PPP2R5C: variants seen among roughly 807,000 people sequenced by gnomAD.
The protein encoded by PPP2R5C is protein phosphatase 2 regulatory subunit B'gamma, also known as serine/threonine-protein phosphatase 2A 56 kDa regulatory subunit gamma isoform.
In PPP2R5C, 7 loss-of-function variants were observed where a neutral mutation model predicts 68.9. The observed-to-expected ratio is 0.10, with a 90% confidence interval of 0.06 to 0.19. PPP2R5C has a LOEUF of 0.19. Among genes scored for constraint, PPP2R5C ranks in the 10% least tolerant of loss-of-function variants. PPP2R5C has a pLI of 1.00. For synonymous variants in PPP2R5C, 210 were observed against 222.2 expected (o/e 0.95, Z 0.49); for missense variants, 348 against 641.3 (o/e 0.54, Z 4.94).
chr14:101,837,498 G>A (rs984281267), intron 1 of PPP2R5C, among the ~76,000 whole-genome samples: 1 of 152,144 alleles, frequency 6.6e-6, no homozygotes, highest in Non-Finnish European at 1.5e-5. Flanking sequence ...AGAGGAAACC[G>A]ATGTGATTTC....
chr14:101,835,326 C>T lies in PPP2R5C; in HGVS notation c.95-21360C>T, dbSNP rs116065196. On this transcript the variant is annotated intron_variant, in intron 1 of 13. Transcript: ENST00000334743. The surrounding 1 kb of genome is among the most constrained non-coding windows in gnomAD (Gnocchi z 5.0). ...GAGGTGCATTACACCGAGGAACTGA[C>T]GTGGCCTAAACTCCACAGTGACTTC... Among the ~76,000 whole-genome samples, 1,855 of 152,290 alleles carry T rather than the reference C, an allele frequency of 0.012. 36 individuals carry two copies. The highest frequency in any genetic ancestry group is 0.041 in the African/African-American group (1,700 of 41,544).
rs996760436 is a variant in PPP2R5C, at chr14:101,916,192, G to A, written c.1327-1639G>A. On this transcript the variant is annotated intron_variant, in intron 12 of 13. Transcript: ENST00000334743. The surrounding 1 kb of genome is among the most constrained non-coding windows in gnomAD (Gnocchi z 5.5). ...GCATGGATGGAGTGCTGGGGCTGTCGGGGTAGGGTGTGGAGATGTGTGGAG... is the reference window on the plus strand; with the variant it reads ...GCATGGATGGAGTGCTGGGGCTGTCAGGGTAGGGTGTGGAGATGTGTGGAG... 2.0e-5 allele frequency among the ~76,000 whole-genome samples: 3 copies of A among 152,324 alleles called. No individual in the cohort carries two copies. Among genetic ancestry groups the A allele is most frequent in the East Asian group, 1.9e-4 (1 of 5,178 alleles).
At chr14:101,821,713 TC>T (rs1262106967) in intron 1 of PPP2R5C, among the ~76,000 whole-genome samples, 3 of 152,046 alleles carry the variant, frequency 2.0e-5, no homozygotes, top group African/African-American at 7.2e-5. Context: ...CTTAATGTGG[TC>T]TCGCATGTTT....
chr14:101,845,958 G>T (rs2041802928), intron 1 of PPP2R5C, among the ~76,000 whole-genome samples: 1 of 152,202 alleles, frequency 6.6e-6, no homozygotes, highest in Non-Finnish European at 1.5e-5. Flanking sequence ...ATACCCAAAT[G>T]AAGTGTACCT....
chr14:101,809,946 T>C (rs2039252641), exon 1 of PPP2R5C: 2 of 1,613,734 alleles, frequency 1.2e-6, no homozygotes, highest in East Asian at 4.5e-5. Flanking sequence ...AGTCTAGATG[T>C]TGACATGTAA....
chr14:101,889,653 C>CT (rs1248753077), intron 5 of PPP2R5C: 1 of 245,698 alleles, frequency 4.1e-6, no homozygotes, highest in African/African-American at 2.3e-5. Flanking sequence ...GGAGCTGGGT[C>CT]TGTCGCAGAT....
At chr14:101,791,655 T>G (rs570212113) in intron 3 of PPP2R5C, among the ~76,000 whole-genome samples, 39 of 144,492 alleles carry the variant, frequency 2.7e-4, no homozygotes, top group African/African-American at 8.2e-4. Context: ...AATTTCAGGG[T>G]TTTTTTTTTC....
intron 1 of PPP2R5C, among the ~76,000 whole-genome samples, chr14:101,813,642 G>A (rs1414359904): frequency 6.6e-6 from 1 of 152,212 alleles, no homozygotes; most frequent in Non-Finnish European, 1.5e-5. Context: ...AGATGGTAAT[G>A]GCCAGAGAGG....
chr14:101,763,177 G>C (rs565617099), intron 2 of PPP2R5C, among the ~76,000 whole-genome samples: 5 of 151,706 alleles, frequency 3.3e-5, no homozygotes, highest in Admixed American at 2.0e-4. Context: ...TATGAAAATT[G>C]TGCTTGCCTA....
chr14:101,899,741 T>C lies in PPP2R5C; in HGVS notation c.853-1978T>C, dbSNP rs1180732763. Among the ~76,000 whole-genome samples the C allele has an allele frequency of 1.3e-5, 2 of 152,236 alleles. No homozygotes were observed. Among genetic ancestry groups the C allele is most frequent in the Non-Finnish European group, 2.9e-5 (2 of 68,036 alleles). On this transcript the variant is annotated intron_variant, in intron 8 of 13. Transcript: ENST00000334743. The surrounding 1 kb of genome is among the most constrained non-coding windows in gnomAD (Gnocchi z 4.2). Reference sequence around the variant, plus strand: ...AATAGTGATTCCAATACACGCAAAGTGTGGTAGGAACACAATAAATACTTA... The same window carrying C: ...AATAGTGATTCCAATACACGCAAAGCGTGGTAGGAACACAATAAATACTTA...
chr14:101,783,949 G>C (rs1386778649), intron 2 of PPP2R5C, among the ~76,000 whole-genome samples: 1 of 152,206 alleles, frequency 6.6e-6, no homozygotes, highest in African/African-American at 2.4e-5. Flanking sequence ...TGTCTAACTG[G>C]GGGATTCTGT....
At position 101,888,187 on chromosome 14, in the gene PPP2R5C, G is replaced by T. The variant is rs543211757; in HGVS notation, c.630-2050G>T. Among the ~76,000 whole-genome samples the T allele has an allele frequency of 1.4e-4, 22 of 152,174 alleles. No homozygotes were observed. Among genetic ancestry groups the T allele is most frequent in the Middle Eastern group, 3.4e-3 (1 of 294 alleles). ...GAAGGGGTCCAGGGGTCTTTGTCTC[G>T]GAGAGGCCCAGATCACAGCTCTCCA... On this transcript the variant is annotated intron_variant, in intron 5 of 13. Transcript: ENST00000334743. This position sits in a 1 kb window ranked among gnomAD's most constrained non-coding sequence, Gnocchi z 5.6.
upstream of PPP2R5C, among the ~76,000 whole-genome samples, chr14:101,809,579 GGT>G (rs1465577219): frequency 1.9e-3 from 56 of 28,898 alleles, no homozygotes; most frequent in Non-Finnish European, 2.8e-3. Flanking sequence ...TTTTTTTTTT[GGT>G]GGCTCCCTCG....
In PPP2R5C at chr14:101,828,000, A is replaced by T. The variant is rs184618498; in HGVS notation, c.94+17964A>T. ...TATTTGTATGTTAGGATGATAGCCC[A>T]GTGTCAGTCCTCAGGATTCTTTATG... On this transcript the variant is annotated intron_variant, in intron 1 of 13. Transcript: ENST00000334743. 1.1e-3 allele frequency among the ~76,000 whole-genome samples: 168 copies of T among 152,282 alleles called. 1 individual carries two copies. The Middle Eastern group carries it at 0.014, about 12-fold the overall frequency.
chr14:101,894,468 T>C (rs1180185941), intron 7 of PPP2R5C, 39 bp from the exon 10 acceptor site: 1 of 1,592,396 alleles, frequency 6.3e-7, no homozygotes, highest in Admixed American at 1.7e-5. Context: ...AGCATTTTTA[T>C]GTTGAAATGT....
chr14:101,843,112 T>C (rs907250502), intron 1 of PPP2R5C, among the ~76,000 whole-genome samples: 8 of 152,170 alleles, frequency 5.3e-5, no homozygotes, highest in Admixed American at 3.3e-4. Context: ...CCTGTGGTTC[T>C]AACTGCTTGG....
At chr14:101,816,912 T>TA (rs1566864471) in intron 1 of PPP2R5C, among the ~76,000 whole-genome samples, 7 of 140,454 alleles carry the variant, frequency 5.0e-5, no homozygotes, top group African/African-American at 1.3e-4. Context: ...ATATATATAA[T>TA]ATATATATTT....
chr14:101,760,745 CG>C, upstream of PPP2R5C: 1 of 320,474 alleles, frequency 3.1e-6, no homozygotes, highest in Non-Finnish European at 3.6e-6. Context: ...AGGGGCTGGT[CG>C]AGGGGAGGGG....
upstream of PPP2R5C, among the ~76,000 whole-genome samples, chr14:101,807,003 C>G (rs949762862): frequency 6.6e-6 from 1 of 152,040 alleles, no homozygotes; most frequent in Admixed American, 6.6e-5. Flanking sequence ...TTAATATGAG[C>G]GCTATTCCTG....
Sources: allele counts gnomAD v4.1 joint callset (sites outside exome capture counted in the v4.1 genomes callset), GRCh38; gene constraint gnomAD v4.1.1; non-coding constraint Gnocchi (gnomAD v3.1); transcripts MANE v1.5; gene names NCBI Gene and HGNC (gene_info 2026-07-23, HGNC 2026-07-21).